The following RSRC1 variants were observed in gnomAD, a reference collection of about 807,000 sequenced individuals.
RSRC1 encodes the protein serine/Arginine-related protein 53.
Under a neutral mutation model 49.1 loss-of-function variants are expected in RSRC1, and 39 were observed. That is an observed-to-expected ratio of 0.79 (90% CI 0.61 to 1.04). RSRC1 has a LOEUF of 1.04. Ranked by LOEUF, RSRC1 falls within the 50% of genes least tolerant of loss-of-function variation. The pLI is 0.00. For synonymous variants in RSRC1, 143 were observed against 130.8 expected (o/e 1.09, Z -0.63); for missense variants, 388 against 402.4 (o/e 0.96, Z 0.31).
chr3:158,463,342 A>G (rs1370001741), intron 7 of RSRC1, among the ~76,000 whole-genome samples: 1 of 152,114 alleles, frequency 6.6e-6, no homozygotes, highest in East Asian at 1.9e-4. Flanking sequence ...TCAAATTAAC[A>G]GTTCCCTGAG....
chr3:158,314,265 A>C (rs1728284940), intron 5 of RSRC1, among the ~76,000 whole-genome samples: 1 of 151,920 alleles, frequency 6.6e-6, no homozygotes, highest in South Asian at 2.1e-4. Context: ...TAATTTCTGT[A>C]CTTTTTTAGT....
chr3:158,305,134 C>G (rs1478832477), intron 5 of RSRC1, among the ~76,000 whole-genome samples: 1 of 151,996 alleles, frequency 6.6e-6, no homozygotes, highest in Non-Finnish European at 1.5e-5. Flanking sequence ...ATAGCATGAA[C>G]TTGGGCCCTT....
At chr3:158,178,753 A>C (rs565412979) in intron 3 of RSRC1, among the ~76,000 whole-genome samples, 1 of 152,260 alleles carries the variant, frequency 6.6e-6, no homozygotes, top group East Asian at 1.9e-4. Context: ...ACCTTGATGA[A>C]GTTGAGAACG....
intron 6 of RSRC1, among the ~76,000 whole-genome samples, chr3:158,378,064 C>A (rs780106087): frequency 6.6e-6 from 1 of 152,144 alleles, no homozygotes; most frequent in African/African-American, 2.4e-5. Flanking sequence ...TCATCTCTAT[C>A]GCTCTGTTTT....
intron 3 of RSRC1, among the ~76,000 whole-genome samples, chr3:158,176,039 C>T (rs542391480): frequency 2.0e-5 from 3 of 152,190 alleles, no homozygotes; most frequent in East Asian, 1.9e-4. Flanking sequence ...CATGAGTGAA[C>T]GTCCATTCAC....
At chr3:158,168,380 T>G (rs550640660) in intron 3 of RSRC1, among the ~76,000 whole-genome samples, 1 of 152,318 alleles carries the variant, frequency 6.6e-6, no homozygotes, top group Admixed American at 6.5e-5. Context: ...ATGTTTGTTG[T>G]TTTAAGCTTT....
intron 3 of RSRC1, among the ~76,000 whole-genome samples, chr3:158,148,335 A>G (rs762201778): frequency 6.7e-6 from 1 of 148,214 alleles, no homozygotes; most frequent in Non-Finnish European, 1.5e-5. Flanking sequence ...GCAAGATCCA[A>G]ATTTGTTCTT....
chr3:158,438,977 AAC>A (rs1736214748), intron 6 of RSRC1, among the ~76,000 whole-genome samples: 1 of 152,210 alleles, frequency 6.6e-6, no homozygotes, highest in Non-Finnish European at 1.5e-5. Flanking sequence ...ATAAGAAAAA[AAC>A]AACCCCATCA....
chr3:158,267,788 G>A (rs1406751564), intron 4 of RSRC1, among the ~76,000 whole-genome samples: 4 of 147,856 alleles, frequency 2.7e-5, no homozygotes, highest in Non-Finnish European at 4.5e-5. Context: ...AAATATTTAT[G>A]TGATAAAACT....
chr3:158,312,420 A>G (rs1728183205), intron 5 of RSRC1, among the ~76,000 whole-genome samples: 1 of 152,178 alleles, frequency 6.6e-6, no homozygotes, highest in Non-Finnish European at 1.5e-5. Flanking sequence ...ATATGGAATG[A>G]TGAACCAGAT....
At chr3:158,313,879 T>G (rs939104388) in intron 5 of RSRC1, among the ~76,000 whole-genome samples, 10 of 152,330 alleles carry the variant, frequency 6.6e-5, no homozygotes, top group African/African-American at 1.9e-4. Context: ...CTTTAAAAAC[T>G]AATTAGTACT....
chr3:158,259,795 A>G (rs890317407), intron 4 of RSRC1, among the ~76,000 whole-genome samples: 1 of 152,198 alleles, frequency 6.6e-6, no homozygotes, highest in Non-Finnish European at 1.5e-5. Flanking sequence ...GCTGCAAGGC[A>G]AAGTCCTTTC....
At position 158,122,317 on chromosome 3, in the gene RSRC1, A is replaced by G. The variant is rs747568530; in HGVS notation, c.194+19A>G. The G allele has an allele frequency of 3.4e-6, 5 of 1,474,484 alleles. No homozygotes were observed. The highest frequency in any genetic ancestry group is 4.3e-5 in the Admixed American group (2 of 46,996). The allele number at this position is 1,474,484 out of a possible 1,614,324, so 91.3% of individuals were successfully genotyped here. A position where few individuals can be genotyped will look rare whatever the true frequency, so the allele number is the denominator to read the frequency against. On this transcript the variant is annotated intron_variant, in intron 2 of 9. Transcript: ENST00000611884. Reference sequence around the variant, plus strand: ...ATAGAAGGTGATTTTTGTAATTTTTATTTATATAGTAATGAGGATAACATT... The same window carrying G: ...ATAGAAGGTGATTTTTGTAATTTTTGTTTATATAGTAATGAGGATAACATT...
In RSRC1 at chr3:158,113,590, A is replaced by G. The variant is rs563671118; in HGVS notation, c.-3+3367A>G. On this transcript the variant is annotated intron_variant, in intron 1 of 9. Transcript: ENST00000611884. ...CACCATGCTGGCCAGGATGGTCTCCATCTCCTGACCTCGTGATCCACCCCC... is the reference window on the plus strand; with the variant it reads ...CACCATGCTGGCCAGGATGGTCTCCGTCTCCTGACCTCGTGATCCACCCCC... Among the ~76,000 whole-genome samples, 9 of 151,976 alleles carry G rather than the reference A, an allele frequency of 5.9e-5. No homozygotes were observed. In the East Asian group the frequency reaches 1.7e-3, roughly 29 times the overall value.
At chr3:158,386,826 C>CA (rs56825777) in intron 6 of RSRC1, among the ~76,000 whole-genome samples, 6,560 of 123,354 alleles carry the variant, frequency 0.053, 189 homozygotes, top group Middle Eastern at 0.17. Context: ...TTCACTAGAC[C>CA]AAAAAAAAAA....
chr3:158,220,228 A>G (rs1722158078), intron 4 of RSRC1, among the ~76,000 whole-genome samples: 1 of 151,610 alleles, frequency 6.6e-6, no homozygotes, highest in South Asian at 2.1e-4. Context: ...GATCCTTTGA[A>G]GTCAGTGAAG....
intron 3 of RSRC1, among the ~76,000 whole-genome samples, chr3:158,142,093 G>A (rs142305637): frequency 1.4e-3 from 216 of 152,184 alleles, no homozygotes; most frequent in African/African-American, 4.2e-3. Context: ...GCGAGACTCC[G>A]TCTCAAAAAA....
At chr3:158,222,801 C>T (rs1722300470) in intron 4 of RSRC1, among the ~76,000 whole-genome samples, 1 of 151,532 alleles carries the variant, frequency 6.6e-6, no homozygotes, top group African/African-American at 2.4e-5. Flanking sequence ...CTCTGAATCC[C>T]GTTACCTTTT....
At chr3:158,283,785 A>C (rs966383121) in intron 4 of RSRC1, among the ~76,000 whole-genome samples, 3 of 152,176 alleles carry the variant, frequency 2.0e-5, no homozygotes, top group Non-Finnish European at 2.9e-5. Flanking sequence ...ATTGCCCTCC[A>C]GAAAACCTGT....
Sources: allele counts gnomAD v4.1 joint callset (sites outside exome capture counted in the v4.1 genomes callset), GRCh38; gene constraint gnomAD v4.1.1; transcripts MANE v1.5; gene names NCBI Gene and HGNC (gene_info 2026-07-23, HGNC 2026-07-21).